Variants in DMD observed in about 807,000 individuals in gnomAD.
The protein encoded by DMD is dystrophin.
A neutral mutation model predicts 330.1 loss-of-function variants in DMD; 63 were observed. That is an observed-to-expected ratio of 0.19 (90% confidence interval 0.16 to 0.24). The LOEUF is 0.24. DMD is among the 10% of genes least tolerant of loss of function. The probability of loss-of-function intolerance (pLI) is 1.00; values close to 1 mark genes in which losing one functional copy is unlikely to be tolerated. For synonymous variants in DMD, 1,223 were observed against 959.8 expected (o/e 1.27, Z -5.07); for missense variants, 3,344 against 2,684.1 (o/e 1.25, Z -5.43).
intron 48 of DMD, among the ~76,000 whole-genome samples, chrX:31,856,382 T>C (rs1213941012): frequency 8.9e-6 from 1 of 112,219 alleles, no homozygotes; most frequent in African/African-American, 3.2e-5. Context: ...CATTGTTCAT[T>C]AGTGAAGAGC....
chrX:33,010,245 T>C (rs932872935), intron 2 of DMD, among the ~76,000 whole-genome samples: 2 of 107,119 alleles, frequency 1.9e-5, no homozygotes, highest in Non-Finnish European at 3.9e-5. Context: ...TGTACATATG[T>C]GTGTATATAT....
At chrX:33,209,659 A>G (rs759917716) in intron 1 of DMD, among the ~76,000 whole-genome samples, 1 of 111,367 alleles carries the variant, frequency 9.0e-6, no homozygotes, top group Non-Finnish European at 1.9e-5. Flanking sequence ...AGCCCTGAGT[A>G]TATCTCCGTT....
At chrX:32,599,072 C>A (rs1270615268) in intron 12 of DMD, among the ~76,000 whole-genome samples, 2 of 111,980 alleles carry the variant, frequency 1.8e-5, no homozygotes, top group African/African-American at 6.5e-5. Context: ...AGGAATTAAA[C>A]TAAAAAAGGT....
chrX:31,151,220 AT>A (rs1384929089), intron 74 of DMD, among the ~76,000 whole-genome samples: 1 of 112,640 alleles, frequency 8.9e-6, no homozygotes, highest in African/African-American at 3.2e-5. Flanking sequence ...TTGAAGCAGT[AT>A]CCAATGTTCA....
chrX:31,814,944 T>C (rs775592430), intron 50 of DMD, among the ~76,000 whole-genome samples: 1 of 112,222 alleles, frequency 8.9e-6, no homozygotes, highest in Non-Finnish European at 1.9e-5. Flanking sequence ...ACTTCTAAGC[T>C]ATAACATCCT....
intron 55 of DMD, among the ~76,000 whole-genome samples, chrX:31,599,623 GCTTTT>G (rs754520551): frequency 3.7e-4 from 41 of 112,178 alleles, no homozygotes; most frequent in Admixed American, 1.1e-3. Context: ...AATTCCACAA[GCTTTT>G]ACTGAGTTTG....
intron 45 of DMD, among the ~76,000 whole-genome samples, chrX:31,932,938 T>A (rs2094877460): frequency 9.0e-6 from 1 of 111,500 alleles, no homozygotes; most frequent in South Asian, 3.8e-4. Flanking sequence ...TTTAGCAGTA[T>A]CCCTGGCCTG....
rs745331614 is a variant in DMD at position 31,996,580 on chromosome X, AT to A, written c.6439-28067del. ...TTTATCTAGTTGAATAAAAATCCAC[AT>A]TTTTTTAGCACTGAATTTTCAGTAA... On this transcript the variant is annotated intron_variant, in intron 44 of 78. Transcript: ENST00000357033. Among the ~76,000 whole-genome samples, 196 of 111,445 alleles carry A rather than the reference AT, an allele frequency of 1.8e-3. 1 individual carries two copies. The highest frequency in any genetic ancestry group is 6.1e-3 in the African/African-American group (188 of 30,742).
chrX:31,266,174 A>AAAAAAAAAAAAAAAAAAAAAAAAC, intron 62 of DMD, among the ~76,000 whole-genome samples: 1 of 103,116 alleles, frequency 9.7e-6, no homozygotes, highest in Non-Finnish European at 2.0e-5. Context: ...AAAAAAAAAA[A>AAAAAAAAAAAAAAAAAAAAAAAAC]AAAAAAAAAG....
intron 2 of DMD, among the ~76,000 whole-genome samples, chrX:32,894,835 G>C (rs897318431): frequency 4.5e-5 from 5 of 112,180 alleles, no homozygotes; most frequent in Non-Finnish European, 9.4e-5. Flanking sequence ...TGTATGCATG[G>C]GTGTTTTTAC....
At chrX:31,493,648 C>G (rs775766854) in intron 57 of DMD, among the ~76,000 whole-genome samples, 1 of 111,458 alleles carries the variant, frequency 9.0e-6, no homozygotes, top group East Asian at 2.8e-4. Flanking sequence ...CCTTGTCACC[C>G]TTGTTGAGGA....
rs140106604 is a variant in DMD at position 32,008,576 on chromosome X, G to A, written c.6439-40062C>T. Among the ~76,000 whole-genome samples the A allele has an allele frequency of 8.1e-3, 906 of 111,882 alleles. 15 individuals are homozygous for A. The highest frequency in any genetic ancestry group is 0.027 in the African/African-American group (825 of 30,912). On this transcript the variant is annotated intron_variant, in intron 44 of 78. Coordinates refer to ENST00000357033, the MANE Select transcript of DMD (RefSeq NM_004006.3). The stretch of plus-strand genomic sequence containing the variant: ...AAGACCTAACGGTGTGGTTGTATAA[G>A]CAAAATGGATAGACTTGAAAGTTTT...
At chrX:31,929,043 T>C (rs1447193980) in intron 47 of DMD, among the ~76,000 whole-genome samples, 1 of 112,212 alleles carries the variant, frequency 8.9e-6, no homozygotes, top group Admixed American at 9.5e-5. Flanking sequence ...CCACTTGCTT[T>C]ATATAAAATA....
At chrX:31,721,063 CT>C (rs2085432683) in intron 52 of DMD, among the ~76,000 whole-genome samples, 1 of 111,317 alleles carries the variant, frequency 9.0e-6, no homozygotes, top group Admixed American at 9.6e-5. Context: ...GTTACAATTA[CT>C]CTGATAGAAC....
intron 2 of DMD, among the ~76,000 whole-genome samples, chrX:32,884,219 A>G (rs1378375179): frequency 3.6e-5 from 4 of 111,628 alleles, no homozygotes; most frequent in African/African-American, 1.3e-4. Context: ...TTAGTGGTTC[A>G]ACCTATACAA....
intron 2 of DMD, among the ~76,000 whole-genome samples, chrX:32,935,847 C>T (rs1046687952): frequency 1.1e-4 from 12 of 111,196 alleles, no homozygotes; most frequent in Admixed American, 6.7e-4. Flanking sequence ...GGATCACTGT[C>T]GCCTCACCTT....
chrX:32,178,369 T>C (rs2096913493), intron 44 of DMD, among the ~76,000 whole-genome samples: 1 of 109,932 alleles, frequency 9.1e-6, no homozygotes, highest in Non-Finnish European at 1.9e-5. Context: ...CACATAATGG[T>C]GTAAGATGCA....
At chrX:32,872,759 A>G (rs1233581354) in intron 2 of DMD, among the ~76,000 whole-genome samples, 1 of 111,817 alleles carries the variant, frequency 8.9e-6, no homozygotes, top group African/African-American at 3.2e-5. Flanking sequence ...AAGAAGGATA[A>G]GGGGTAAGCC....
chrX:32,097,568 T>C (rs1183607456), intron 44 of DMD, among the ~76,000 whole-genome samples: 1 of 111,714 alleles, frequency 9.0e-6, no homozygotes, highest in East Asian at 2.8e-4. Context: ...AGTATACTTG[T>C]ATAATGGGAC....
Sources: allele counts gnomAD v4.1 joint callset (sites outside exome capture counted in the v4.1 genomes callset), GRCh38; gene constraint gnomAD v4.1.1; transcripts MANE v1.5; gene names NCBI Gene and HGNC (gene_info 2026-07-23, HGNC 2026-07-21).